PPARGC1A: variants seen among roughly 807,000 people sequenced by gnomAD.
PPARGC1A encodes the protein PPARG coactivator 1 alpha.
In PPARGC1A, 25 loss-of-function variants were observed where a neutral mutation model predicts 88.7. That is an observed-to-expected ratio of 0.28 (90% CI 0.21 to 0.39). The LOEUF (loss-of-function observed/expected upper bound fraction) is 0.39, where lower values mean the gene tolerates loss of function less well. PPARGC1A is among the 10% of genes least tolerant of loss of function. The probability of loss-of-function intolerance (pLI) is 1.00; values close to 1 mark genes in which losing one functional copy is unlikely to be tolerated. For synonymous variants in PPARGC1A, 363 were observed against 355.6 expected (o/e 1.02, Z -0.24); for missense variants, 880 against 968.7 (o/e 0.91, Z 1.22).
chr4:24,014,642 C>T, the PPARGC1A span, among the ~76,000 whole-genome samples: 4 of 152,072 alleles, frequency 2.6e-5, no homozygotes, highest in South Asian at 4.2e-4. Flanking sequence ...AAAACTGAGG[C>T]CCTCAGCTCC....
At chr4:24,254,101 T>C in the PPARGC1A span, among the ~76,000 whole-genome samples, 1 of 152,186 alleles carries the variant, frequency 6.6e-6, no homozygotes, top group Admixed American at 6.5e-5. Context: ...ACTCAAAGAT[T>C]TGTCACATTC....
intron 12 of PPARGC1A, among the ~76,000 whole-genome samples, chr4:23,800,508 A>G (rs1250412983): frequency 6.6e-6 from 1 of 151,786 alleles, no homozygotes; most frequent in Non-Finnish European, 1.5e-5. Flanking sequence ...CAACCATTAA[A>G]GTATGTTAAT....
intron 2 of PPARGC1A, among the ~76,000 whole-genome samples, chr4:23,864,344 G>A (rs1560469257): frequency 6.6e-6 from 1 of 152,176 alleles, no homozygotes; most frequent in African/African-American, 2.4e-5. Flanking sequence ...CATCCCCAAA[G>A]GAAGGGAATC....
chr4:24,437,252 C>T, the PPARGC1A span, among the ~76,000 whole-genome samples: 4 of 152,192 alleles, frequency 2.6e-5, no homozygotes, highest in South Asian at 2.1e-4. Flanking sequence ...GGAACAGCAG[C>T]CCCTGGAGGT....
At chr4:24,044,397 A>G in the PPARGC1A span, among the ~76,000 whole-genome samples, 1 of 152,196 alleles carries the variant, frequency 6.6e-6, no homozygotes, top group Non-Finnish European at 1.5e-5. Context: ...CTGCAAGCAC[A>G]GCAAAAGTAT....
chr4:23,945,733 G>C, the PPARGC1A span, among the ~76,000 whole-genome samples: 1 of 152,080 alleles, frequency 6.6e-6, no homozygotes, highest in African/African-American at 2.4e-5. Context: ...CCATCAACCT[G>C]GGTCTTTTCA....
At chr4:23,948,019 C>T in the PPARGC1A span, among the ~76,000 whole-genome samples, 28 of 152,224 alleles carry the variant, frequency 1.8e-4, no homozygotes, top group East Asian at 5.4e-3. Context: ...CTTAAGTTTC[C>T]ATTTGGGAAA....
At chr4:24,380,824 T>C in the PPARGC1A span, among the ~76,000 whole-genome samples, 1 of 152,142 alleles carries the variant, frequency 6.6e-6, no homozygotes, top group East Asian at 1.9e-4. Flanking sequence ...TGTCGTTACC[T>C]AAATCAAGTG....
At chr4:23,905,675 C>T (rs1719948720), upstream of PPARGC1A, among the ~76,000 whole-genome samples, 1 of 152,072 alleles carries the variant, frequency 6.6e-6, no homozygotes, top group Non-Finnish European at 1.5e-5. Context: ...CTCATTTAAT[C>T]CTTACACTAA....
At chr4:24,314,102 T>C in the PPARGC1A span, among the ~76,000 whole-genome samples, 3 of 152,216 alleles carry the variant, frequency 2.0e-5, no homozygotes, top group Non-Finnish European at 2.9e-5. Context: ...TTCATACATA[T>C]GTCAACAAAA....
At chr4:24,354,625 A>C in the PPARGC1A span, among the ~76,000 whole-genome samples, 2 of 152,172 alleles carry the variant, frequency 1.3e-5, no homozygotes, top group East Asian at 3.9e-4. Context: ...GGTGGCTCAC[A>C]CCTGTAATCC....
the PPARGC1A span, among the ~76,000 whole-genome samples, chr4:24,012,934 C>T: frequency 6.6e-6 from 1 of 152,134 alleles, no homozygotes; most frequent in Non-Finnish European, 1.5e-5. Flanking sequence ...ATCATCCTGT[C>T]TGCTACCTGT....
At chr4:24,048,523 A>G in the PPARGC1A span, among the ~76,000 whole-genome samples, 1 of 152,194 alleles carries the variant, frequency 6.6e-6, no homozygotes, top group African/African-American at 2.4e-5. Flanking sequence ...AAACTCAGGA[A>G]TTCTCAAGAA....
chr4:24,328,187 G>T, the PPARGC1A span, among the ~76,000 whole-genome samples: 4 of 152,004 alleles, frequency 2.6e-5, no homozygotes, highest in Non-Finnish European at 4.4e-5. Context: ...CTATTTGGTG[G>T]TCTCTTCACA....
intron 4 of PPARGC1A, 41 bp from the exon 5 acceptor site, chr4:23,828,645 G>T: frequency 6.3e-7 from 1 of 1,576,472 alleles, no homozygotes; most frequent in South Asian, 1.1e-5. Context: ...TTAGTGAACT[G>T]AACCTTATCA....
the PPARGC1A span, among the ~76,000 whole-genome samples, chr4:23,968,326 A>G: frequency 6.6e-6 from 1 of 152,150 alleles, no homozygotes; most frequent in Non-Finnish European, 1.5e-5. Context: ...TCTTGTCACT[A>G]TCATCATATT....
At chr4:24,106,988 T>G in the PPARGC1A span, among the ~76,000 whole-genome samples, 1 of 152,172 alleles carries the variant, frequency 6.6e-6, no homozygotes, top group African/African-American at 2.4e-5. Flanking sequence ...TGGCAAAAAA[T>G]AACTGATATA....
At chr4:24,384,854 G>C in the PPARGC1A span, among the ~76,000 whole-genome samples, 1 of 152,172 alleles carries the variant, frequency 6.6e-6, no homozygotes, top group South Asian at 2.1e-4. Flanking sequence ...AATTAACAAG[G>C]ATATTCAGGA....
the PPARGC1A span, among the ~76,000 whole-genome samples, chr4:24,122,554 A>G: frequency 6.6e-6 from 1 of 152,000 alleles, no homozygotes; most frequent in Non-Finnish European, 1.5e-5. Context: ...GCACACATTT[A>G]ATGAGCACTT....
Sources: gnomAD v4.1 joint callset for allele counts (sites outside exome capture counted in the v4.1 genomes callset) on GRCh38, gnomAD v4.1.1 for gene constraint, MANE v1.5 for transcripts, NCBI Gene and HGNC (gene_info 2026-07-23, HGNC 2026-07-21) for gene names.